POC1B: variants seen among roughly 807,000 people sequenced by gnomAD.
The protein encoded by POC1B is POC1 centriolar protein homolog B.
Under a neutral mutation model 60.6 loss-of-function variants are expected in POC1B, and 44 were observed. That is an observed-to-expected ratio of 0.73 (90% CI 0.57 to 0.93). The LOEUF is 0.93. Ranked by LOEUF, POC1B falls within the 40% of genes least tolerant of loss-of-function variation. The probability of loss-of-function intolerance (pLI) is 0.00; values close to 1 mark genes in which losing one functional copy is unlikely to be tolerated. For missense variants in POC1B, 555 were observed against 572.3 expected (o/e 0.97, Z 0.31); for synonymous variants, 180 against 198.9 (o/e 0.90, Z 0.80).
intron 2 of POC1B, chr12:89,501,598 C>T (rs183511412): frequency 1.9e-5 from 26 of 1,374,704 alleles, no homozygotes; most frequent in South Asian, 2.7e-5. Flanking sequence ...TAAAAAGAAG[C>T]GCTTTTCTAG....
chr12:89,438,729 C>A (rs1370667487), intron 10 of POC1B, among the ~76,000 whole-genome samples: 1 of 152,228 alleles, frequency 6.6e-6, no homozygotes, highest in African/African-American at 2.4e-5. Flanking sequence ...AAACCCTCTT[C>A]TAATTCTATA....
chr12:89,495,630 C>G (rs1869207836), intron 3 of POC1B, among the ~76,000 whole-genome samples: 1 of 152,142 alleles, frequency 6.6e-6, no homozygotes, highest in Non-Finnish European at 1.5e-5. Flanking sequence ...GGTCCCCAGT[C>G]TTTTTGGCAC....
intron 7 of POC1B, among the ~76,000 whole-genome samples, chr12:89,467,972 A>AT (rs1392156259): frequency 6.6e-6 from 1 of 152,214 alleles, no homozygotes; most frequent in East Asian, 1.9e-4. Context: ...ATGTAAGTTC[A>AT]TAAGAATTTC....
At chr12:89,480,656 G>A (rs1388743924) in intron 4 of POC1B, among the ~76,000 whole-genome samples, 1 of 141,904 alleles carries the variant, frequency 7.0e-6, no homozygotes, top group African/African-American at 2.7e-5. Context: ...CTGGAGTGCA[G>A]TGGCAAGATC....
chr12:89,446,305 A>G (rs996488488), intron 10 of POC1B, among the ~76,000 whole-genome samples: 2 of 152,210 alleles, frequency 1.3e-5, no homozygotes, highest in African/African-American at 4.8e-5. Context: ...ACATGCACAC[A>G]TATGTTTATT....
chr12:89,401,472 T>C, the POC1B span, among the ~76,000 whole-genome samples: 1 of 143,792 alleles, frequency 7.0e-6, no homozygotes, highest in African/African-American at 2.6e-5. Context: ...TTGAGTTGCC[T>C]TTTTCATTTT....
At chr12:89,470,594 GT>G in intron 6 of POC1B, 100 bp from the exon 7 acceptor site, 1 of 1,003,296 alleles carries the variant, frequency 1.0e-6, no homozygotes, top group Non-Finnish European at 1.4e-6. Context: ...CAAGAGCACT[GT>G]TTCCACAACA....
chr12:89,436,092 ACAC>A (rs1881254260), intron 10 of POC1B, among the ~76,000 whole-genome samples: 1 of 151,882 alleles, frequency 6.6e-6, no homozygotes, highest in Non-Finnish European at 1.5e-5. Context: ...CTACAGGTGC[ACAC>A]CACCATTCCC....
chr12:89,422,449 T>C (rs1284998637), intron 11 of POC1B, among the ~76,000 whole-genome samples: 2 of 152,204 alleles, frequency 1.3e-5, no homozygotes, highest in Non-Finnish European at 2.9e-5. Flanking sequence ...TCTGTCAAGC[T>C]CAGAAACTGC....
chr12:89,448,601 A>G (rs1052549339), intron 10 of POC1B, among the ~76,000 whole-genome samples: 5 of 152,216 alleles, frequency 3.3e-5, no homozygotes, highest in African/African-American at 1.2e-4. Context: ...CTGCCAAGGG[A>G]GGTAAAGCCA....
intron 2 of POC1B, among the ~76,000 whole-genome samples, chr12:89,516,775 C>T (rs533440683): frequency 2.0e-5 from 3 of 152,302 alleles, no homozygotes; most frequent in African/African-American, 7.2e-5. Flanking sequence ...GGGGATATCT[C>T]ATTCCCCACC....
At chr12:89,444,043 G>A (rs1284266755) in intron 10 of POC1B, among the ~76,000 whole-genome samples, 1 of 152,090 alleles carries the variant, frequency 6.6e-6, no homozygotes, top group East Asian at 1.9e-4. Flanking sequence ...ATCCTCCCAA[G>A]ACTAAACTAG....
intron 11 of POC1B, among the ~76,000 whole-genome samples, chr12:89,424,785 G>C (rs1413655156): frequency 2.0e-5 from 3 of 152,184 alleles, no homozygotes; most frequent in Non-Finnish European, 4.4e-5. Flanking sequence ...ACTGCATCAA[G>C]GTAAGAGGCT....
the POC1B span, among the ~76,000 whole-genome samples, chr12:89,404,522 C>T: frequency 6.6e-6 from 1 of 152,278 alleles, no homozygotes. Context: ...TGATGGAGCA[C>T]TAGAATAGGA....
intron 4 of POC1B, among the ~76,000 whole-genome samples, chr12:89,479,575 A>G (rs892115824): frequency 3.6e-5 from 5 of 138,538 alleles, no homozygotes; most frequent in African/African-American, 1.4e-4. Flanking sequence ...AACCTTTGTT[A>G]AATTAGATTA....
At chr12:89,525,649 C>G in intron 1 of POC1B, 1 of 1,276,124 alleles carries the variant, frequency 7.8e-7, no homozygotes. Context: ...CAGCTCAGTC[C>G]GGAGCTCCGG....
intron 10 of POC1B, among the ~76,000 whole-genome samples, chr12:89,442,129 C>T (rs1364901414): frequency 2.6e-5 from 4 of 152,190 alleles, no homozygotes; most frequent in African/African-American, 7.2e-5. Context: ...CTACGTCTGA[C>T]TGGTGTACCG....
intron 2 of POC1B, among the ~76,000 whole-genome samples, chr12:89,509,909 G>A (rs1217971882): frequency 3.3e-5 from 5 of 152,170 alleles, no homozygotes; most frequent in African/African-American, 7.2e-5. Context: ...GCCGTGGGGC[G>A]ATTTTGGCTC....
chr12:89,507,745 T>G (rs1217607781), intron 2 of POC1B, among the ~76,000 whole-genome samples: 3 of 152,238 alleles, frequency 2.0e-5, no homozygotes, highest in African/African-American at 7.2e-5. Flanking sequence ...ATGTTTGCTC[T>G]TTGTCTGTCA....
Sources: gnomAD v4.1 joint callset for allele counts (sites outside exome capture counted in the v4.1 genomes callset) on GRCh38, gnomAD v4.1.1 for gene constraint, MANE v1.5 for transcripts, NCBI Gene and HGNC (gene_info 2026-07-23, HGNC 2026-07-21) for gene names.